The following CEP128 variants were observed in gnomAD, a reference collection of about 807,000 sequenced individuals.
CEP128 encodes centrosomal protein 128kDa.
Under a neutral mutation model 156.7 loss-of-function variants are expected in CEP128, and 132 were observed. The observed-to-expected ratio is 0.84, with a 90% CI of 0.73 to 0.97. The LOEUF (loss-of-function observed/expected upper bound fraction) is 0.97, where lower values mean the gene tolerates loss of function less well. Among genes scored for constraint, CEP128 ranks in the 50% least tolerant of loss-of-function variants. The probability of loss-of-function intolerance (pLI) is 0.00; values close to 1 mark genes in which losing one functional copy is unlikely to be tolerated. For synonymous variants in CEP128, 469 were observed against 448.9 expected, an observed-to-expected ratio of 1.04 and a Z score of -0.57; for missense variants, 1,252 against 1,281.9, an observed-to-expected ratio of 0.98 and a Z score of 0.36.
At chr14:80,828,289 A>G (rs1435494214) in intron 13 of CEP128, among the ~76,000 whole-genome samples, 2 of 151,720 alleles carry the variant, frequency 1.3e-5, no homozygotes, top group Non-Finnish European at 2.9e-5. Flanking sequence ...CACCTGGCTA[A>G]TTTTTGTACC....
At chr14:80,942,042 AT>A (rs1241796148), upstream of CEP128, among the ~76,000 whole-genome samples, 1 of 151,858 alleles carries the variant, frequency 6.6e-6, no homozygotes, top group East Asian at 1.9e-4. Context: ...CTTGACTGTA[AT>A]TTTACTCCTT....
rs150469831 is a variant in CEP128 at position 80,916,491 on chromosome 14, T to A, written c.57A>T (p.Pro19=). The change falls in exon 3 of 25, where the codon CCA becomes CCT. Residue 19 remains proline (P), a synonymous_variant. Coordinates refer to ENST00000555265, the MANE Select transcript of CEP128 (RefSeq NM_152446.5). ...DHFRCRDRLS[P]WAARSTHRGT... ...CCCTGTGCGTTGATCTGGCAGCCCA[T>A]GGACTCAATCGGTCACGACAGCGGA... is the stretch of plus-strand genomic sequence containing the variant. 57 of 1,614,050 alleles carry A rather than the reference T, an allele frequency of 3.5e-5. No homozygotes were observed. The African/African-American group carries it at 7.1e-4, about 20-fold the overall frequency.
At chr14:80,505,095 T>C in intron 23 of CEP128, 75 bp from the exon 24 acceptor site, 1 of 548,670 alleles carries the variant, frequency 1.8e-6, no homozygotes, top group Non-Finnish European at 3.2e-6. Flanking sequence ...GTACTGAAGC[T>C]GAAATTAAAT....
chr14:80,844,991 C>T (rs1886528169), intron 9 of CEP128, among the ~76,000 whole-genome samples: 1 of 152,120 alleles, frequency 6.6e-6, no homozygotes. Flanking sequence ...ATTCCCTTTG[C>T]TCTGTTTCGT....
At chr14:80,598,095 T>C (rs1018982907) in intron 19 of CEP128, among the ~76,000 whole-genome samples, 1 of 151,080 alleles carries the variant, frequency 6.6e-6, no homozygotes, top group Non-Finnish European at 1.5e-5. Context: ...GGAAGTTCTA[T>C]AATACAATGA....
chr14:80,627,620 A>G (rs1157845176), intron 19 of CEP128, among the ~76,000 whole-genome samples: 1 of 152,212 alleles, frequency 6.6e-6, no homozygotes, highest in African/African-American at 2.4e-5. Context: ...TTTAGATTGT[A>G]CATAAGAGAA....
In CEP128 at chr14:80,775,272, C is replaced by T. The variant is rs555795520; in HGVS notation, c.2376+2610G>A. 1.9e-4 allele frequency among the ~76,000 whole-genome samples: 29 copies of T among 152,262 alleles called. 1 individual carries two copies. The highest frequency in any genetic ancestry group is 5.1e-4 in the African/African-American group (21 of 41,544). ...AGGTAGGAAAGAATTCAAAGTTTTA[C>T]GCATAATCATTATTGCTATACTATC... On this transcript the variant is annotated intron_variant, in intron 16 of 24. Coordinates refer to ENST00000555265, the MANE Select transcript of CEP128 (RefSeq NM_152446.5).
intron 19 of CEP128, among the ~76,000 whole-genome samples, chr14:80,617,784 G>GTGAGACCCGCCTGGGCAACATGT (rs1893290154): frequency 6.6e-6 from 1 of 151,914 alleles, no homozygotes; most frequent in Non-Finnish European, 1.5e-5. Flanking sequence ...GGGCAACATG[G>GTGAGACCCGCCTGGGCAACATGT]CGAGACCCTG....
chr14:80,899,029 A>T (rs1249820725), intron 7 of CEP128, among the ~76,000 whole-genome samples: 1 of 152,212 alleles, frequency 6.6e-6, no homozygotes, highest in Admixed American at 6.5e-5. Context: ...AGAGAAAAAA[A>T]TAATGATTAC....
Position 80,914,328 on chromosome 14 carries a change from T to C in CEP128, c.228A>G (p.Ile76Met). ...AACAAATGTAGTTTCTCACATGTTC[T>C]ATCGCACCCGCCTGTCCATTACTGT... ...REYSNGQAGA[I>M]EHLKESLEQS... The change falls in exon 4 of 25, where the codon ATA becomes ATG. Residue 76 changes from isoleucine (I) to methionine (M), a missense_variant. Physicochemically the swap from Ile to Met is conservative, Grantham distance 10. Transcript: ENST00000555265. 16 of 1,612,530 alleles carry C rather than the reference T, an allele frequency of 9.9e-6. No homozygotes were observed. Among genetic ancestry groups the C allele is most frequent in the Non-Finnish European group, 1.4e-5 (16 of 1,178,790 alleles).
At position 80,656,332 on chromosome 14, in the gene CEP128, T is replaced by A. The variant is rs1235319438; in HGVS notation, c.2807-75909A>T. ...ATATATATATATATATATATATATATATATATATAGCAATAAAAAAAAAAC... is the reference window on the plus strand; with the variant it reads ...ATATATATATATATATATATATATAAATATATATAGCAATAAAAAAAAAAC... On this transcript the variant is annotated intron_variant, in intron 19 of 24. Coordinates refer to ENST00000555265, the MANE Select transcript of CEP128 (RefSeq NM_152446.5). Among the ~76,000 whole-genome samples the A allele has an allele frequency of 5.3e-3, 107 of 20,112 alleles. 8 individuals are homozygous for A. Among genetic ancestry groups the A allele is most frequent in the African/African-American group, 0.03 (100 of 3,352 alleles). 13.2% of individuals were successfully genotyped at this position (20,112 alleles called of 152,430 possible). A position where few individuals can be genotyped will look rare whatever the true frequency, so the allele number is the denominator to read the frequency against.
chr14:80,775,467 A>G (rs1900738925), intron 16 of CEP128, among the ~76,000 whole-genome samples: 1 of 152,254 alleles, frequency 6.6e-6, no homozygotes. Context: ...TACATATAAT[A>G]TAAGCATGTT....
intron 19 of CEP128, among the ~76,000 whole-genome samples, chr14:80,678,729 G>A (rs7140210): frequency 0.069 from 10,516 of 152,134 alleles, 1,191 homozygotes; most frequent in African/African-American, 0.24. Flanking sequence ...AGTTAACATG[G>A]TGAGAGGCTT....
At chr14:80,881,424 A>T (rs988429740) in intron 8 of CEP128, among the ~76,000 whole-genome samples, 10 of 152,168 alleles carry the variant, frequency 6.6e-5, no homozygotes, top group Admixed American at 2.0e-4. Flanking sequence ...GAGATAAAAG[A>T]CGTAACATGT....
Position 80,785,127 on chromosome 14 carries a change from G to A in CEP128, c.1979C>T (p.Ala660Val), listed in dbSNP as rs1901331155. The change falls in exon 15 of 25, where the codon GCA (alanine) becomes GTA (valine). Residue 660 changes from alanine to valine, a missense_variant. Ala to Val is a moderately conservative substitution (Grantham distance 64). Transcript: ENST00000555265. ...KLAEEERAKK[A>V]VLKDLSDLTA... The stretch of plus-strand genomic sequence containing the variant: ...GAGGTCAGAAAGGTCCTTAAGCACT[G>A]CTTTCTTGGCTCTCTCTTCCTCAGC... 1.2e-6 allele frequency: 2 copies of A among 1,614,030 alleles called. No homozygotes were observed. The highest frequency in any genetic ancestry group is 1.7e-6 in the Non-Finnish European group (2 of 1,179,990).
intron 15 of CEP128, among the ~76,000 whole-genome samples, chr14:80,784,217 T>A (rs1385593859): frequency 6.6e-6 from 1 of 151,830 alleles, no homozygotes; most frequent in African/African-American, 2.4e-5. Context: ...CAGAGAGTCT[T>A]CATTTCAATA....
chr14:80,748,141 T>C (rs1899202158), intron 18 of CEP128, among the ~76,000 whole-genome samples: 1 of 152,216 alleles, frequency 6.6e-6, no homozygotes, highest in South Asian at 2.1e-4. Flanking sequence ...TATAGGCCTC[T>C]GTCTTGTCTG....
chr14:80,721,958 A>G (rs1897833660), intron 19 of CEP128, among the ~76,000 whole-genome samples: 2 of 152,236 alleles, frequency 1.3e-5, no homozygotes, highest in Non-Finnish European at 2.9e-5. Flanking sequence ...TGTGCTAGTC[A>G]TGGAACACAT....
intron 2 of CEP128, among the ~76,000 whole-genome samples, chr14:80,928,105 C>G (rs1885248716): frequency 6.6e-6 from 1 of 152,144 alleles, no homozygotes; most frequent in Admixed American, 6.5e-5. Flanking sequence ...CAAGGTGGGG[C>G]AGCGGGGAGA....
Sources: allele counts gnomAD v4.1 joint callset (sites outside exome capture counted in the v4.1 genomes callset), GRCh38; gene constraint gnomAD v4.1.1; transcripts MANE v1.5; gene names NCBI Gene and HGNC (gene_info 2026-07-23, HGNC 2026-07-21).